Variants in EPHA7 observed in about 807,000 individuals in gnomAD.
EPHA7 encodes ephrin type-A receptor 7.
In EPHA7, 25 loss-of-function variants were observed where a neutral mutation model predicts 112.6. The ratio of observed to expected loss-of-function variants is 0.22; its 90% confidence interval spans 0.16 to 0.31. EPHA7 has a LOEUF of 0.31. Among genes scored for constraint, EPHA7 ranks in the 10% least tolerant of loss-of-function variants. The pLI, the probability that EPHA7 is intolerant of heterozygous loss-of-function variation, is 1.00. For synonymous variants in EPHA7, 437 were observed against 406.5 expected (o/e 1.07, Z -0.90); for missense variants, 962 against 1,212.6 (o/e 0.79, Z 3.07).
At chr6:93,403,783 C>T (rs1053818165) in intron 3 of EPHA7, among the ~76,000 whole-genome samples, 17 of 151,364 alleles carry the variant, frequency 1.1e-4, no homozygotes, top group African/African-American at 4.1e-4. Flanking sequence ...TATATGGTAA[C>T]TACGTAGGAA....
intron 5 of EPHA7, among the ~76,000 whole-genome samples, chr6:93,299,410 T>C (rs958313274): frequency 6.7e-6 from 1 of 150,060 alleles, no homozygotes; most frequent in Non-Finnish European, 1.5e-5. Flanking sequence ...ATTAGAGAAA[T>C]GCAAATGAAA....
chr6:93,310,468 C>G, intron 5 of EPHA7, among the ~76,000 whole-genome samples: 1 of 152,054 alleles, frequency 6.6e-6, no homozygotes, highest in East Asian at 1.9e-4. Flanking sequence ...AGTTCAAGAC[C>G]AGCCTGGCCA....
intron 3 of EPHA7, among the ~76,000 whole-genome samples, chr6:93,389,787 A>C (rs1354722473): frequency 2.0e-5 from 3 of 152,002 alleles, no homozygotes; most frequent in African/African-American, 4.8e-5. Context: ...ATCTGAGTCC[A>C]CAGCACTATT....
At position 93,272,434 on chromosome 6, in the gene EPHA7, A is replaced by G. The variant is rs1351991826; in HGVS notation, c.1325-12T>C. On this transcript the variant is annotated splice_polypyrimidine_tract_variant and intron_variant, in intron 5 of 16. Transcript: ENST00000369303. ...CACTTGCGAGGGAGCTGTTTGGACAAGATGTGTCAATAAACAATGAGAAAA... is the reference window on the plus strand; with the variant it reads ...CACTTGCGAGGGAGCTGTTTGGACAGGATGTGTCAATAAACAATGAGAAAA... The G allele has an allele frequency of 1.9e-6, 3 of 1,611,034 alleles. No homozygotes were observed. Among genetic ancestry groups the G allele is most frequent in the Non-Finnish European group, 2.5e-6 (3 of 1,178,024 alleles).
At chr6:93,411,382 T>C (rs563603776) in intron 2 of EPHA7, among the ~76,000 whole-genome samples, 1 of 152,306 alleles carries the variant, frequency 6.6e-6, no homozygotes, top group Admixed American at 6.5e-5. Context: ...ATACATACAA[T>C]AAATATTTCA....
intron 5 of EPHA7, among the ~76,000 whole-genome samples, chr6:93,296,690 AGAAGGGGG>A (rs1772690536): frequency 6.6e-6 from 1 of 151,820 alleles, no homozygotes; most frequent in African/African-American, 2.4e-5. Flanking sequence ...ACCAGGGATA[AGAAGGGGG>A]TGAGGAGAAA....
chr6:93,390,852 A>G (rs1277326552), intron 3 of EPHA7, among the ~76,000 whole-genome samples: 1 of 151,960 alleles, frequency 6.6e-6, no homozygotes, highest in Non-Finnish European at 1.5e-5. Flanking sequence ...AATTTATCAT[A>G]GTTAATCTGT....
chr6:93,354,862 TG>T (rs1775866175), intron 5 of EPHA7, among the ~76,000 whole-genome samples: 1 of 152,092 alleles, frequency 6.6e-6, no homozygotes, highest in African/African-American at 2.4e-5. Flanking sequence ...ACACTATTTC[TG>T]GTATCAGTTC....
chr6:93,352,853 CAT>C (rs1340544210), intron 5 of EPHA7, among the ~76,000 whole-genome samples: 3 of 152,050 alleles, frequency 2.0e-5, no homozygotes, highest in Non-Finnish European at 4.4e-5. Context: ...CCAAATACCA[CAT>C]GTTCTTACTT....
At chr6:93,392,315 T>C (rs971179989) in intron 3 of EPHA7, among the ~76,000 whole-genome samples, 1 of 151,918 alleles carries the variant, frequency 6.6e-6, no homozygotes, top group Non-Finnish European at 1.5e-5. Context: ...AAATCAACCA[T>C]GCCCTCAAAG....
chr6:93,259,637 C>G (rs997888184), intron 9 of EPHA7, among the ~76,000 whole-genome samples, 158 bp from the exon 10 acceptor site: 2 of 151,876 alleles, frequency 1.3e-5, no homozygotes, highest in Non-Finnish European at 2.9e-5. Flanking sequence ...AGTCTGCTGG[C>G]GTATAGGTAT....
At chr6:93,297,473 A>G (rs1387457432) in intron 5 of EPHA7, among the ~76,000 whole-genome samples, 1 of 152,150 alleles carries the variant, frequency 6.6e-6, no homozygotes, top group Non-Finnish European at 1.5e-5. Context: ...TTTCATAAGA[A>G]TAAGTTTTGG....
At position 93,281,655 on chromosome 6, in the gene EPHA7, TG is replaced by T. The variant is rs1158079744; in HGVS notation, c.1325-9234del. 2.6e-5 allele frequency among the ~76,000 whole-genome samples: 4 copies of T among 152,320 alleles called. No individual in the cohort carries two copies. In the East Asian group the frequency reaches 7.7e-4, roughly 29 times the overall value. On this transcript the variant is annotated intron_variant, in intron 5 of 16. Transcript: ENST00000369303. ...AGGTCATCAGAGTAACATTTTCAGT[TG>T]TGCACATTTTCTTTGACCTCAGAAC... is the stretch of plus-strand genomic sequence containing the variant.
intron 5 of EPHA7, among the ~76,000 whole-genome samples, chr6:93,339,245 T>G (rs1173917443): frequency 6.6e-6 from 1 of 151,734 alleles, no homozygotes; most frequent in Non-Finnish European, 1.5e-5. Flanking sequence ...GAGATTGGTA[T>G]TTAAAAGTGT....
At chr6:93,270,867 T>C (rs528394329) in intron 6 of EPHA7, among the ~76,000 whole-genome samples, 19 of 151,782 alleles carry the variant, frequency 1.3e-4, no homozygotes, top group African/African-American at 9.7e-5. Context: ...TATAATACAA[T>C]ACAATATTAT....
intron 14 of EPHA7, among the ~76,000 whole-genome samples, chr6:93,249,643 T>C (rs3823231): frequency 0.44 from 67,070 of 151,906 alleles, 15,712 homozygotes; most frequent in South Asian, 0.7. Flanking sequence ...AATTCAGTCC[T>C]CATTATTTCC....
At chr6:93,403,830 G>A (rs371941507) in intron 3 of EPHA7, among the ~76,000 whole-genome samples, 13 of 152,132 alleles carry the variant, frequency 8.5e-5, no homozygotes, top group African/African-American at 2.4e-4. Flanking sequence ...GAATGGTACC[G>A]CCAGTAACCA....
intron 5 of EPHA7, among the ~76,000 whole-genome samples, chr6:93,332,336 T>C (rs1304643810): frequency 6.6e-6 from 1 of 151,674 alleles, no homozygotes; most frequent in Non-Finnish European, 1.5e-5. Context: ...TAATGGTAAC[T>C]ATAACTCTTT....
intron 5 of EPHA7, among the ~76,000 whole-genome samples, chr6:93,322,907 A>G (rs1358941463): frequency 6.6e-6 from 1 of 151,552 alleles, no homozygotes; most frequent in African/African-American, 2.4e-5. Context: ...CTATGAATGA[A>G]TATGTCAATT....
Sources: allele counts gnomAD v4.1 joint callset (sites outside exome capture counted in the v4.1 genomes callset), GRCh38; gene constraint gnomAD v4.1.1; transcripts MANE v1.5; gene names NCBI Gene and HGNC (gene_info 2026-07-23, HGNC 2026-07-21).